NXPH2: variants seen among roughly 807,000 people sequenced by gnomAD.
NXPH2 encodes neurexophilin 2, also known as neurexophilin-2.
In NXPH2, 5 loss-of-function variants were observed where a neutral mutation model predicts 19.8. The ratio of observed to expected loss-of-function variants is 0.25; its 90% CI spans 0.13 to 0.53. The LOEUF (loss-of-function observed/expected upper bound fraction) is 0.53. NXPH2 is among the 20% of genes least tolerant of loss of function. NXPH2 has a pLI of 0.96. For missense variants in NXPH2, 289 were observed against 322.8 expected (o/e 0.90, Z 0.80); for synonymous variants, 154 against 127.4 (o/e 1.21, Z -1.41).
At chr2:138,684,865 G>T (rs1215097374) in intron 1 of NXPH2, among the ~76,000 whole-genome samples, 1 of 152,138 alleles carries the variant, frequency 6.6e-6, no homozygotes, top group Non-Finnish European at 1.5e-5. Context: ...AGTCCAGGCT[G>T]GCAATATTAC....
intron 1 of NXPH2, among the ~76,000 whole-genome samples, chr2:138,698,456 A>G (rs570160900): frequency 1.3e-5 from 2 of 152,306 alleles, no homozygotes; most frequent in African/African-American, 4.8e-5. Flanking sequence ...ATTTTGAAAG[A>G]AGTCAATAAT....
chr2:138,761,699 C>A (rs1232438269), intron 1 of NXPH2, among the ~76,000 whole-genome samples: 4 of 152,202 alleles, frequency 2.6e-5, no homozygotes, highest in Non-Finnish European at 5.9e-5. Context: ...CCAAAGTTCA[C>A]TAAAATAAAG....
intron 1 of NXPH2, among the ~76,000 whole-genome samples, chr2:138,674,893 C>A (rs1680462794): frequency 6.6e-6 from 1 of 152,192 alleles, no homozygotes; most frequent in Non-Finnish European, 1.5e-5. Flanking sequence ...TAAATGCTTG[C>A]AGACACACCT....
intron 1 of NXPH2, among the ~76,000 whole-genome samples, chr2:138,685,618 G>C (rs1221134170): frequency 6.6e-6 from 1 of 152,190 alleles, no homozygotes; most frequent in African/African-American, 2.4e-5. Context: ...GGCAACTATA[G>C]TTGGGCAAAA....
chr2:138,761,410 C>T (rs191498497), intron 1 of NXPH2, among the ~76,000 whole-genome samples: 1 of 152,306 alleles, frequency 6.6e-6, no homozygotes, highest in East Asian at 1.9e-4. Context: ...GGACATACTC[C>T]TAGTCACATT....
chr2:138,692,100 T>C (rs995067297), intron 1 of NXPH2, among the ~76,000 whole-genome samples: 3 of 152,200 alleles, frequency 2.0e-5, no homozygotes, highest in Admixed American at 6.5e-5. Flanking sequence ...TGTCTGAATG[T>C]GGAATGACCT....
chr2:138,739,661 T>G (rs957036597), intron 1 of NXPH2, among the ~76,000 whole-genome samples: 1 of 152,180 alleles, frequency 6.6e-6, no homozygotes, highest in African/African-American at 2.4e-5. Context: ...GACTTTCCTC[T>G]GCAGTTTAGT....
chr2:138,681,845 T>A (rs1366586968), intron 1 of NXPH2, among the ~76,000 whole-genome samples: 1 of 152,204 alleles, frequency 6.6e-6, no homozygotes, highest in African/African-American at 2.4e-5. Context: ...AGTGGTTTTC[T>A]GAATGGACTT....
At chr2:138,684,787 C>A (rs2104971648) in intron 1 of NXPH2, among the ~76,000 whole-genome samples, 1 of 152,296 alleles carries the variant, frequency 6.6e-6, no homozygotes, top group Non-Finnish European at 1.5e-5. Flanking sequence ...CCCAAGAGTC[C>A]CCTTTACATC....
chr2:138,696,852 G>A (rs1326389788), intron 1 of NXPH2, among the ~76,000 whole-genome samples: 1 of 151,996 alleles, frequency 6.6e-6, no homozygotes, highest in African/African-American at 2.4e-5. Context: ...ACACCCAAAT[G>A]TCCAATTAAT....
chr2:138,720,997 T>C (rs570900610), intron 1 of NXPH2, among the ~76,000 whole-genome samples: 2 of 152,324 alleles, frequency 1.3e-5, no homozygotes, highest in East Asian at 3.9e-4. Context: ...AATGTGAAAC[T>C]GAAGGACGCA....
chr2:138,714,205 C>T (rs571233275), intron 1 of NXPH2, among the ~76,000 whole-genome samples: 9 of 152,080 alleles, frequency 5.9e-5, no homozygotes, highest in African/African-American at 1.4e-4. Context: ...TAGGTATGTG[C>T]GTACATAGGG....
At chr2:138,777,266 G>A (rs897200602) in intron 1 of NXPH2, among the ~76,000 whole-genome samples, 1 of 151,956 alleles carries the variant, frequency 6.6e-6, no homozygotes, top group African/African-American at 2.4e-5. Context: ...TTCTTCATTA[G>A]TGGCAGAAAA....
chr2:138,715,525 G>T (rs1681183515), intron 1 of NXPH2, among the ~76,000 whole-genome samples: 1 of 152,156 alleles, frequency 6.6e-6, no homozygotes, highest in Non-Finnish European at 1.5e-5. Flanking sequence ...AAATAAACCA[G>T]GGTTTGTTTA....
chr2:138,777,228 A>G (rs760407453), intron 1 of NXPH2, among the ~76,000 whole-genome samples: 5 of 152,178 alleles, frequency 3.3e-5, no homozygotes, highest in Non-Finnish European at 7.4e-5. Flanking sequence ...TCATTTTGAT[A>G]TAATATTCAT....
At chr2:138,719,242 T>G (rs1232857239) in intron 1 of NXPH2, among the ~76,000 whole-genome samples, 1 of 152,058 alleles carries the variant, frequency 6.6e-6, no homozygotes, top group African/African-American at 2.4e-5. Context: ...TTATATATAC[T>G]TAAGGTAAAA....
chr2:138,780,345 C>T lies in NXPH2; in HGVS notation c.-104G>A. 1 of 794,002 alleles carries T rather than the reference C, an allele frequency of 1.3e-6. No homozygotes were observed. Among genetic ancestry groups the T allele is most frequent in the Non-Finnish European group, 1.7e-6 (1 of 597,016 alleles). 49.2% of individuals were successfully genotyped at this position (794,002 alleles called of 1,614,324 possible). On this transcript the variant is annotated 5_prime_UTR_variant, in exon 1 of 2. Coordinates refer to ENST00000272641, the MANE Select transcript of NXPH2 (RefSeq NM_007226.3). ...TGAGGACGCCAGGGACACAGCGCGG[C>T]GCTTCCCTCCCGGAATCCGAGCGCT...
At chr2:138,754,455 T>G (rs1022611680) in intron 1 of NXPH2, among the ~76,000 whole-genome samples, 1 of 152,220 alleles carries the variant, frequency 6.6e-6, no homozygotes, top group African/African-American at 2.4e-5. Flanking sequence ...TCTTTTAGAC[T>G]GGCTTCTTTT....
chr2:138,694,943 A>C (rs1308987801), intron 1 of NXPH2, among the ~76,000 whole-genome samples: 1 of 152,180 alleles, frequency 6.6e-6, no homozygotes, highest in Non-Finnish European at 1.5e-5. Flanking sequence ...CCTACTACAC[A>C]CCTAGGCTAT....
Sources: gnomAD v4.1 joint callset for allele counts (sites outside exome capture counted in the v4.1 genomes callset) on GRCh38, gnomAD v4.1.1 for gene constraint, MANE v1.5 for transcripts, NCBI Gene and HGNC (gene_info 2026-07-23, HGNC 2026-07-21) for gene names.